PTPRT: variants seen among roughly 807,000 people sequenced by gnomAD.
PTPRT encodes the protein protein tyrosine phosphatase receptor type T, also known as receptor-type tyrosine-protein phosphatase T.
In PTPRT, 56 loss-of-function variants were observed where a neutral mutation model predicts 176.8. The observed-to-expected ratio is 0.32, with a 90% CI of 0.26 to 0.40. The LOEUF (loss-of-function observed/expected upper bound fraction) is 0.40, where lower values mean the gene tolerates loss of function less well. Among genes scored for constraint, PTPRT ranks in the 10% least tolerant of loss-of-function variants. The probability of loss-of-function intolerance (pLI) is 1.00; values close to 1 mark genes in which losing one functional copy is unlikely to be tolerated. For synonymous variants in PTPRT, 783 were observed against 739.0 expected, an observed-to-expected ratio of 1.06 and a Z score of -0.96; for missense variants, 1,540 against 1,908.2, an observed-to-expected ratio of 0.81 and a Z score of 3.60.
chr20:42,282,911 G>T (rs1015049739), intron 12 of PTPRT, among the ~76,000 whole-genome samples: 5 of 152,286 alleles, frequency 3.3e-5, no homozygotes, highest in African/African-American at 9.6e-5. Flanking sequence ...TGGAAGGAGG[G>T]CATCCTTGGG....
chr20:42,317,889 T>TAAGA (rs2057743739), intron 11 of PTPRT, among the ~76,000 whole-genome samples: 1 of 152,124 alleles, frequency 6.6e-6, no homozygotes, highest in South Asian at 2.1e-4. Flanking sequence ...CACATCTGAG[T>TAAGA]AAGAACCTGA....
At chr20:43,087,181 T>G (rs2011631328) in intron 1 of PTPRT, among the ~76,000 whole-genome samples, 1 of 152,156 alleles carries the variant, frequency 6.6e-6, no homozygotes, top group Non-Finnish European at 1.5e-5. Flanking sequence ...TTCCAGAATG[T>G]CACAGAAATG....
chr20:42,274,526 G>T (rs1433317260), intron 13 of PTPRT, among the ~76,000 whole-genome samples: 1 of 137,326 alleles, frequency 7.3e-6, no homozygotes, highest in East Asian at 2.1e-4. Context: ...ACTGTTTCCA[G>T]GCCCTGTACA....
At chr20:42,567,340 G>C (rs537231867) in intron 7 of PTPRT, among the ~76,000 whole-genome samples, 4 of 151,902 alleles carry the variant, frequency 2.6e-5, no homozygotes, top group Non-Finnish European at 5.9e-5. Context: ...TAGCTGTATT[G>C]AGCCATTGTG....
At chr20:42,505,861 C>T (rs2071834665) in intron 7 of PTPRT, among the ~76,000 whole-genome samples, 1 of 152,194 alleles carries the variant, frequency 6.6e-6, no homozygotes, top group Non-Finnish European at 1.5e-5. Context: ...TGCCATTTGA[C>T]TGCTTTTCAT....
chr20:42,166,283 C>A (rs1271517311), intron 16 of PTPRT, among the ~76,000 whole-genome samples: 1 of 152,204 alleles, frequency 6.6e-6, no homozygotes, highest in African/African-American at 2.4e-5. Context: ...CCAAAAGAAC[C>A]TTACACATTG....
intron 1 of PTPRT, among the ~76,000 whole-genome samples, chr20:43,030,546 C>T (rs961009231): frequency 6.6e-6 from 1 of 151,882 alleles, no homozygotes. Context: ...TGTGAATATA[C>T]CTCTGTTGTT....
chr20:42,212,720 A>T (rs1428552998), intron 15 of PTPRT, among the ~76,000 whole-genome samples: 2 of 152,162 alleles, frequency 1.3e-5, no homozygotes, highest in Admixed American at 6.5e-5. Flanking sequence ...TTGCTGGTAA[A>T]CCACTTTGCC....
chr20:43,172,612 A>C (rs901548174), intron 1 of PTPRT, among the ~76,000 whole-genome samples: 4 of 152,200 alleles, frequency 2.6e-5, no homozygotes, highest in African/African-American at 9.7e-5. Context: ...AACTCCCAGC[A>C]ATAGCACTAT....
At chr20:43,051,147 A>C (rs954432401) in intron 1 of PTPRT, among the ~76,000 whole-genome samples, 1 of 152,228 alleles carries the variant, frequency 6.6e-6, no homozygotes, top group South Asian at 2.1e-4. Flanking sequence ...TGTTCTAGCG[A>C]AAGTCTTTGA....
intron 2 of PTPRT, among the ~76,000 whole-genome samples, chr20:42,857,529 T>C (rs1204929936): frequency 6.6e-6 from 1 of 152,230 alleles, no homozygotes; most frequent in East Asian, 1.9e-4. Context: ...CTCTCCGAGC[T>C]TCTGCGGAGT....
At chr20:42,636,603 G>A (rs758626386) in intron 7 of PTPRT, among the ~76,000 whole-genome samples, 2 of 151,828 alleles carry the variant, frequency 1.3e-5, no homozygotes, top group Non-Finnish European at 2.9e-5. Context: ...TGGCCAACAC[G>A]GTAAAACACT....
chr20:42,214,884 C>T (rs1400078779), intron 15 of PTPRT, among the ~76,000 whole-genome samples: 1 of 152,226 alleles, frequency 6.6e-6, no homozygotes, highest in African/African-American at 2.4e-5. Context: ...GACTGAAATC[C>T]TGGCTCCATG....
chr20:42,155,520 C>A (rs1989312908), intron 17 of PTPRT, among the ~76,000 whole-genome samples: 1 of 152,156 alleles, frequency 6.6e-6, no homozygotes, highest in Admixed American at 6.5e-5. Context: ...AACCCCTTTG[C>A]TCCCACTGCA....
chr20:43,035,740 T>C (rs2146204423), intron 1 of PTPRT, among the ~76,000 whole-genome samples: 1 of 152,338 alleles, frequency 6.6e-6, no homozygotes, highest in Admixed American at 6.5e-5. Context: ...CCCAACAGTT[T>C]AAGAAAACAG....
At chr20:42,565,731 A>G (rs1336388428) in intron 7 of PTPRT, among the ~76,000 whole-genome samples, 1 of 152,092 alleles carries the variant, frequency 6.6e-6, no homozygotes, top group South Asian at 2.1e-4. Flanking sequence ...AGGCCTTTGG[A>G]TCAAGGGGAT....
intron 7 of PTPRT, among the ~76,000 whole-genome samples, chr20:42,521,394 C>T (rs1030077825): frequency 6.6e-6 from 1 of 152,140 alleles, no homozygotes; most frequent in African/African-American, 2.4e-5. Flanking sequence ...ATGTTGTACA[C>T]CTAACAGTCT....
At chr20:42,064,749 T>C in the PTPRT span, among the ~76,000 whole-genome samples, 1 of 152,232 alleles carries the variant, frequency 6.6e-6, no homozygotes. Flanking sequence ...GTGGTGGTCT[T>C]AAAACATTTA....
At chr20:42,862,128 G>C (rs1279029011) in intron 2 of PTPRT, among the ~76,000 whole-genome samples, 1 of 151,894 alleles carries the variant, frequency 6.6e-6, no homozygotes, top group Non-Finnish European at 1.5e-5. Flanking sequence ...TTGGTACAAA[G>C]ACTTGAAGAT....
Sources: allele counts gnomAD v4.1 joint callset (sites outside exome capture counted in the v4.1 genomes callset), GRCh38; gene constraint gnomAD v4.1.1; transcripts MANE v1.5; gene names NCBI Gene and HGNC (gene_info 2026-07-23, HGNC 2026-07-21).